Variants in TAFA2 observed in about 807,000 individuals in gnomAD.
TAFA2 encodes TAFA chemokine like family member 2.
In TAFA2, 7 loss-of-function variants were observed where a neutral mutation model predicts 18.8. That is an observed-to-expected ratio of 0.37 (90% CI 0.21 to 0.70). TAFA2 has a LOEUF of 0.70. Among genes scored for constraint, TAFA2 ranks in the 30% least tolerant of loss-of-function variants. TAFA2 has a pLI of 0.53. For synonymous variants in TAFA2, 60 were observed against 54.2 expected, an observed-to-expected ratio of 1.11 and a Z score of -0.47; for missense variants, 122 against 158.1, an observed-to-expected ratio of 0.77 and a Z score of 1.23.
At chr12:61,928,372 T>C (rs1877399653) in intron 1 of TAFA2, among the ~76,000 whole-genome samples, 1 of 152,110 alleles carries the variant, frequency 6.6e-6, no homozygotes, top group African/African-American at 2.4e-5. Flanking sequence ...AGCAGACACT[T>C]CTCAAAAGAA....
chr12:62,055,469 ATCT>A (rs1882164810), intron 1 of TAFA2, among the ~76,000 whole-genome samples: 2 of 152,194 alleles, frequency 1.3e-5, no homozygotes, highest in African/African-American at 4.8e-5. Context: ...ATTAATTTTG[ATCT>A]TCAGCAGCAG....
chr12:61,723,109 C>T lies in TAFA2; in HGVS notation c.385-12692G>A, dbSNP rs541970451. 5.9e-5 allele frequency among the ~76,000 whole-genome samples: 9 copies of T among 152,212 alleles called. No homozygotes were observed. In the East Asian group the frequency reaches 1.4e-3, roughly 23 times the overall value. ...CCCCTGATCTTTGTGTTTGTTTTAGCTTTGCCTAAAATACACTTGTTTCAA... is the reference window on the plus strand; with the variant it reads ...CCCCTGATCTTTGTGTTTGTTTTAGTTTTGCCTAAAATACACTTGTTTCAA... On this transcript the variant is annotated intron_variant, in intron 4 of 4. Transcript: ENST00000416284.
chr12:61,973,999 A>C (rs1407305830), intron 1 of TAFA2, among the ~76,000 whole-genome samples: 3 of 151,786 alleles, frequency 2.0e-5, no homozygotes, highest in Non-Finnish European at 4.4e-5. Flanking sequence ...TCTCCAAAAA[A>C]AGAAGGAACA....
chr12:61,837,008 C>A (rs1872961956), intron 2 of TAFA2, among the ~76,000 whole-genome samples: 1 of 151,064 alleles, frequency 6.6e-6, no homozygotes, highest in South Asian at 2.1e-4. Flanking sequence ...TTTTAAGTGA[C>A]CAAAGTTTTT....
intron 1 of TAFA2, among the ~76,000 whole-genome samples, chr12:62,083,210 A>C (rs1868350014): frequency 6.6e-6 from 1 of 151,672 alleles, no homozygotes; most frequent in Non-Finnish European, 1.5e-5. Context: ...ATCTGATCTG[A>C]TATAAATCTC....
chr12:61,924,045 AAAG>A, intron 1 of TAFA2, among the ~76,000 whole-genome samples: 1 of 151,862 alleles, frequency 6.6e-6, no homozygotes, highest in Non-Finnish European at 1.5e-5. Context: ...GAGAAAAAAA[AAAG>A]AAAAGGAACG....
intron 1 of TAFA2, among the ~76,000 whole-genome samples, chr12:61,928,147 A>C (rs1877388046): frequency 6.6e-6 from 1 of 152,246 alleles, no homozygotes; most frequent in Admixed American, 6.5e-5. Flanking sequence ...CAACGAAGCC[A>C]AAATTGACGA....
At chr12:61,851,231 C>G (rs574662299) in intron 2 of TAFA2, among the ~76,000 whole-genome samples, 2 of 152,162 alleles carry the variant, frequency 1.3e-5, no homozygotes, top group South Asian at 4.2e-4. Context: ...AACAGGGAAA[C>G]TAACCTAGAG....
At chr12:61,754,597 G>T (rs539655801) in intron 3 of TAFA2, among the ~76,000 whole-genome samples, 1 of 150,748 alleles carries the variant, frequency 6.6e-6, no homozygotes, top group Non-Finnish European at 1.5e-5. Flanking sequence ...CATCCACCGA[G>T]AAATCAACAT....
intron 1 of TAFA2, among the ~76,000 whole-genome samples, chr12:61,923,107 A>G (rs1477399014): frequency 6.6e-6 from 1 of 152,202 alleles, no homozygotes; most frequent in African/African-American, 2.4e-5. Context: ...AGGGGCATAT[A>G]GATAAAACTC....
chr12:61,805,674 A>G (rs1488970871), intron 2 of TAFA2, among the ~76,000 whole-genome samples: 1 of 152,134 alleles, frequency 6.6e-6, no homozygotes, highest in Non-Finnish European at 1.5e-5. Context: ...CAGAATGAAT[A>G]TATACCTGCA....
At chr12:61,834,193 G>T (rs1048675228) in intron 2 of TAFA2, among the ~76,000 whole-genome samples, 1 of 151,996 alleles carries the variant, frequency 6.6e-6, no homozygotes, top group African/African-American at 2.4e-5. Flanking sequence ...TTTAGACATA[G>T]CTTCTGCCCC....
At chr12:62,259,745 T>G (rs2062977882), upstream of TAFA2, 1 of 152,722 alleles carries the variant, frequency 6.5e-6, no homozygotes, top group Non-Finnish European at 1.5e-5. Context: ...TGTTTTTCAC[T>G]GCAGCTTAGT....
intron 1 of TAFA2, among the ~76,000 whole-genome samples, chr12:61,926,992 T>C (rs1157125504): frequency 6.8e-6 from 1 of 147,802 alleles, no homozygotes; most frequent in Non-Finnish European, 1.5e-5. Context: ...GGAGAATTGG[T>C]TGAACCCAGG....
At chr12:62,036,914 T>C (rs574144556) in intron 1 of TAFA2, among the ~76,000 whole-genome samples, 3 of 152,332 alleles carry the variant, frequency 2.0e-5, no homozygotes, top group African/African-American at 7.2e-5. Context: ...GTTAACTCAG[T>C]TCCTTCTGCT....
intron 2 of TAFA2, among the ~76,000 whole-genome samples, chr12:61,818,296 T>A (rs1247729194): frequency 6.6e-6 from 1 of 152,180 alleles, no homozygotes; most frequent in Non-Finnish European, 1.5e-5. Flanking sequence ...TTATTTTTTT[T>A]AACCTACACT....
intron 1 of TAFA2, among the ~76,000 whole-genome samples, chr12:61,914,539 G>C (rs142053565): frequency 6.6e-6 from 1 of 152,138 alleles, no homozygotes; most frequent in Non-Finnish European, 1.5e-5. Context: ...TCCAGTTAAA[G>C]TCTCTCTTGG....
At chr12:61,819,124 G>T (rs1271077211) in intron 2 of TAFA2, among the ~76,000 whole-genome samples, 1 of 151,992 alleles carries the variant, frequency 6.6e-6, no homozygotes, top group Non-Finnish European at 1.5e-5. Flanking sequence ...ATATTTACTT[G>T]TCTAGTAAAA....
intron 2 of TAFA2, among the ~76,000 whole-genome samples, chr12:61,832,856 C>T (rs978415705): frequency 6.6e-6 from 1 of 151,642 alleles, no homozygotes; most frequent in South Asian, 2.1e-4. Flanking sequence ...AGATCACTTC[C>T]TCAGCTCTCT....
Sources: allele counts gnomAD v4.1 joint callset (sites outside exome capture counted in the v4.1 genomes callset), GRCh38; gene constraint gnomAD v4.1.1; transcripts MANE v1.5; gene names NCBI Gene and HGNC (gene_info 2026-07-23, HGNC 2026-07-21).